The following C1QTNF9 variants were observed in gnomAD, a reference collection of about 807,000 sequenced individuals.
C1QTNF9 encodes complement C1q and tumor necrosis factor-related protein 9A.
In C1QTNF9, 6 loss-of-function variants were observed where a neutral mutation model predicts 10.1. The observed-to-expected ratio is 0.59, with a 90% CI of 0.32 to 1.17. The LOEUF (loss-of-function observed/expected upper bound fraction) is 1.17, where lower values mean the gene tolerates loss of function less well. Among genes scored for constraint, C1QTNF9 ranks in the 50% most tolerant of loss-of-function variants. The probability of loss-of-function intolerance (pLI) is 0.04; values close to 1 mark genes in which losing one functional copy is unlikely to be tolerated. For missense variants in C1QTNF9, 201 were observed against 418.8 expected, an observed-to-expected ratio of 0.48 and a Z score of 4.54; for synonymous variants, 98 against 163.5, an observed-to-expected ratio of 0.60 and a Z score of 3.06.
chr13:24,311,663 C>G (rs983727697), intron 1 of C1QTNF9, among the ~76,000 whole-genome samples: 1 of 152,204 alleles, frequency 6.6e-6, no homozygotes, highest in Non-Finnish European at 1.5e-5. Flanking sequence ...GCAGCGCATG[C>G]CTTGAATTAG....
chr13:24,307,626 T>G (rs781073001), upstream of C1QTNF9, among the ~76,000 whole-genome samples: 10 of 152,104 alleles, frequency 6.6e-5, no homozygotes, highest in Non-Finnish European at 1.3e-4. Flanking sequence ...AGTGATCTGC[T>G]CCTCCCAACC....
At chr13:24,307,367 A>G (rs1407267638), upstream of C1QTNF9, 6 of 152,288 alleles carry the variant, frequency 3.9e-5, no homozygotes, top group Non-Finnish European at 1.5e-5. Flanking sequence ...TGGAGAGGAG[A>G]CAGAACAACA....
chr13:24,318,251 C>A (rs1396776809), intron 2 of C1QTNF9, among the ~76,000 whole-genome samples: 8 of 152,186 alleles, frequency 5.3e-5, no homozygotes, highest in Non-Finnish European at 1.0e-4. Context: ...GCCCCACTCA[C>A]CTGATGTTCT....
At chr13:24,320,094 A>T (rs1396720016) in intron 3 of C1QTNF9, among the ~76,000 whole-genome samples, 1 of 151,990 alleles carries the variant, frequency 6.6e-6, no homozygotes, top group Non-Finnish European at 1.5e-5. Context: ...TGGGCAGGAG[A>T]GGGCAATGCC....
At chr13:24,307,648 T>G (rs1323176092), upstream of C1QTNF9, among the ~76,000 whole-genome samples, 1 of 152,130 alleles carries the variant, frequency 6.6e-6, no homozygotes, top group Non-Finnish European at 1.5e-5. Flanking sequence ...TGGGCTGCAC[T>G]GGGGAAGGGC....
At position 24,318,806 on chromosome 13, in the gene C1QTNF9, T is replaced by C. The variant is rs1327502236; in HGVS notation, c.167-12T>C. ...ATTTCAACTCATGCCTGTTTTCTGC[T>C]TTTCCACCTAGGAGAACCAGGACGT... is the stretch of plus-strand genomic sequence containing the variant. On this transcript the variant is annotated splice_polypyrimidine_tract_variant and intron_variant, in intron 2 of 3. Coordinates refer to ENST00000332018, the Ensembl canonical transcript of C1QTNF9. 1 of 1,614,054 alleles carries C rather than the reference T, an allele frequency of 6.2e-7. No individual in the cohort carries two copies. Among genetic ancestry groups the C allele is most frequent in the Non-Finnish European group, 8.5e-7 (1 of 1,180,018 alleles).
At chr13:24,318,197 G>A (rs965945044) in intron 2 of C1QTNF9, among the ~76,000 whole-genome samples, 3 of 152,114 alleles carry the variant, frequency 2.0e-5, no homozygotes, top group African/African-American at 7.2e-5. Flanking sequence ...CTGGAGCTCA[G>A]GGGGGCCTGT....
chr13:24,321,804 C>A, exon 4 of C1QTNF9: 1 of 1,519,440 alleles, frequency 6.6e-7, no homozygotes, highest in Non-Finnish European at 8.8e-7. Context: ...CACCATCCAT[C>A]AGAATCAGCT....
exon 2 of C1QTNF9, chr13:24,316,093 C>T (rs925141752): frequency 1.2e-6 from 2 of 1,613,034 alleles, no homozygotes; most frequent in Non-Finnish European, 1.7e-6. Context: ...ACCCTGGAAT[C>T]CCTGGGAACC....
intron 1 of C1QTNF9, 64 bp from the exon 2 acceptor site, chr13:24,315,918 G>A: frequency 6.3e-7 from 1 of 1,575,172 alleles, no homozygotes; most frequent in Non-Finnish European, 8.7e-7. Context: ...GCACGGAACA[G>A]AGGCTGTGTC....
chr13:24,307,772 G>A (rs897877122), upstream of C1QTNF9, among the ~76,000 whole-genome samples: 7 of 152,214 alleles, frequency 4.6e-5, no homozygotes, highest in Admixed American at 2.6e-4. Flanking sequence ...CAGGAGAGTT[G>A]TGGGGAGATG....
upstream of C1QTNF9, among the ~76,000 whole-genome samples, chr13:24,307,810 T>G (rs1877656074): frequency 2.6e-5 from 4 of 152,356 alleles, no homozygotes; most frequent in South Asian, 8.3e-4. Context: ...GCGCCCCTAC[T>G]CTGCACTGGC....
chr13:24,315,352 T>G (rs1410433554), intron 1 of C1QTNF9, among the ~76,000 whole-genome samples: 2 of 152,236 alleles, frequency 1.3e-5, no homozygotes, highest in East Asian at 3.9e-4. Context: ...GTTCTCGAGG[T>G]CCATTCATGT....
At chr13:24,313,257 A>C (rs73455790) in intron 1 of C1QTNF9, among the ~76,000 whole-genome samples, 2,761 of 152,346 alleles carry the variant, frequency 0.018, 90 homozygotes, top group African/African-American at 0.061. Context: ...TACCTACATC[A>C]AATATGCAAA....
chr13:24,312,740 A>G (rs1409746789), intron 1 of C1QTNF9, among the ~76,000 whole-genome samples: 1 of 151,956 alleles, frequency 6.6e-6, no homozygotes, highest in Non-Finnish European at 1.5e-5. Context: ...GCGAATCACA[A>G]GGTCAGGAAA....
intron 1 of C1QTNF9, among the ~76,000 whole-genome samples, chr13:24,314,574 T>C (rs7322219): frequency 0.3 from 44,918 of 151,830 alleles, 6,931 homozygotes; most frequent in East Asian, 0.53. Context: ...CCCAGCTACT[T>C]GAGAAGCCGA....
exon 4 of C1QTNF9, chr13:24,321,987 T>G (rs531655110): frequency 2.8e-4 from 161 of 566,386 alleles, no homozygotes; most frequent in African/African-American, 2.6e-3. Flanking sequence ...TTATTTCACA[T>G]TTCTTATTCC....
chr13:24,319,835 T>C (rs528187720), intron 3 of C1QTNF9, among the ~76,000 whole-genome samples: 1 of 152,308 alleles, frequency 6.6e-6, no homozygotes, highest in East Asian at 1.9e-4. Context: ...ACTGACTCAC[T>C]GAATGCAATA....
intron 1 of C1QTNF9, among the ~76,000 whole-genome samples, chr13:24,310,309 G>A (rs1163609400): frequency 3.0e-5 from 4 of 135,196 alleles, no homozygotes; most frequent in South Asian, 2.5e-4. Flanking sequence ...GCCTGCCACC[G>A]CGCCTGGCTA....
Sources: gnomAD v4.1 joint callset for allele counts (sites outside exome capture counted in the v4.1 genomes callset) on GRCh38, gnomAD v4.1.1 for gene constraint, MANE v1.5 for transcripts, NCBI Gene and HGNC (gene_info 2026-07-23, HGNC 2026-07-21) for gene names.